Variants in RPS6KA2 observed in about 807,000 individuals in gnomAD.
The protein encoded by RPS6KA2 is ribosomal protein S6 kinase A2.
A neutral mutation model predicts 91.8 loss-of-function variants in RPS6KA2; 42 were observed. The observed-to-expected ratio is 0.46, with a 90% CI of 0.36 to 0.59. RPS6KA2 has a LOEUF of 0.59. RPS6KA2 is among the 20% of genes least tolerant of loss of function. RPS6KA2 has a pLI of 0.00. For synonymous variants in RPS6KA2, 414 were observed against 393.6 expected (o/e 1.05, Z -0.61); for missense variants, 798 against 978.5 (o/e 0.82, Z 2.46).
At chr6:166,440,323 CG>C (rs2128450337) in intron 14 of RPS6KA2, 1 of 152,258 alleles carries the variant, frequency 6.6e-6, no homozygotes, top group South Asian at 2.1e-4. Flanking sequence ...GACCGTCCTC[CG>C]CCGCATGCCT....
chr6:166,858,127 AT>A, intron 2 of RPS6KA2: 1 of 895,856 alleles, frequency 1.1e-6, no homozygotes, highest in Non-Finnish European at 1.9e-6. Context: ...TCAAACTTCC[AT>A]TTCCCCCTTC....
intron 2 of RPS6KA2, among the ~76,000 whole-genome samples, chr6:166,704,364 G>A (rs918778029): frequency 2.0e-5 from 3 of 152,218 alleles, no homozygotes; most frequent in African/African-American, 7.2e-5. Context: ...TACTGCTGAT[G>A]AAATGCAGCC....
intron 10 of RPS6KA2, among the ~76,000 whole-genome samples, chr6:166,486,348 C>G (rs928530650): frequency 2.6e-5 from 4 of 152,180 alleles, no homozygotes; most frequent in African/African-American, 9.6e-5. Flanking sequence ...CCTGATCAGG[C>G]GTCCTCCCCT....
intron 2 of RPS6KA2, among the ~76,000 whole-genome samples, chr6:166,534,313 G>A (rs1783411139): frequency 6.6e-6 from 1 of 152,008 alleles, no homozygotes; most frequent in African/African-American, 2.4e-5. Context: ...CCAGCTATCC[G>A]GGAGGCTGAG....
At position 166,412,582 on chromosome 6, in the gene RPS6KA2, G is replaced by A; in HGVS notation, c.*180C>T. ...GGGGAGGCTGGCGCAGTGAGGCTTG[G>A]AGAAGCCCCCAGGTCAGGACCCTCT... is the stretch of plus-strand genomic sequence containing the variant. On this transcript the variant is annotated 3_prime_UTR_variant, in exon 21 of 21. Transcript: ENST00000265678. The surrounding 1 kb of genome is among the most constrained non-coding windows in gnomAD (Gnocchi z 4.3). 1.7e-6 allele frequency: 1 copy of A among 580,146 alleles called. No homozygotes were observed. The highest frequency in any genetic ancestry group is 2.9e-6 in the Non-Finnish European group (1 of 346,876). 35.9% of individuals were successfully genotyped at this position (580,146 alleles called of 1,614,324 possible). A position where few individuals can be genotyped will look rare whatever the true frequency, so the allele number is the denominator to read the frequency against.
intron 1 of RPS6KA2, among the ~76,000 whole-genome samples, chr6:166,561,511 T>C (rs560477115): frequency 6.6e-6 from 1 of 152,084 alleles, no homozygotes; most frequent in South Asian, 2.1e-4. Flanking sequence ...TCCCCATTGC[T>C]GAGCCCACTC....
chr6:166,627,413 C>G (rs1786934497), upstream of RPS6KA2: 1 of 171,664 alleles, frequency 5.8e-6, no homozygotes, highest in Non-Finnish European at 1.2e-5. Flanking sequence ...CCACCCACCA[C>G]CAGCACTGCC....
chr6:166,681,031 C>A (rs574445168), intron 2 of RPS6KA2, among the ~76,000 whole-genome samples: 14 of 152,210 alleles, frequency 9.2e-5, no homozygotes, highest in Non-Finnish European at 1.9e-4. Context: ...TCTCCCATAT[C>A]TTCTCACCCC....
At chr6:166,753,235 C>T (rs548294865) in intron 2 of RPS6KA2, among the ~76,000 whole-genome samples, 9 of 152,286 alleles carry the variant, frequency 5.9e-5, no homozygotes, top group African/African-American at 1.9e-4. Flanking sequence ...GAAGAATCTA[C>T]GCAAGGGAAG....
At chr6:166,751,046 C>G (rs560956641) in intron 2 of RPS6KA2, among the ~76,000 whole-genome samples, 4 of 152,190 alleles carry the variant, frequency 2.6e-5, no homozygotes, top group African/African-American at 9.7e-5. Context: ...TCCCCTAACT[C>G]AGCACCTCAC....
intron 10 of RPS6KA2, among the ~76,000 whole-genome samples, chr6:166,480,493 A>ATATAT (rs1562523845): frequency 7.7e-6 from 1 of 129,720 alleles, no homozygotes; most frequent in African/African-American, 3.2e-5. Context: ...ATATATATAT[A>ATATAT]TATATATATA....
intron 2 of RPS6KA2, among the ~76,000 whole-genome samples, chr6:166,830,141 AG>A (rs1226858183): frequency 0.1 from 2,639 of 25,296 alleles, 85 homozygotes; most frequent in African/African-American, 0.28. Context: ...AAAAAAAAAA[AG>A]AAAGAAAGAA....
chr6:166,568,148 G>C (rs1583286942), intron 1 of RPS6KA2, among the ~76,000 whole-genome samples: 1 of 152,284 alleles, frequency 6.6e-6, no homozygotes, highest in African/African-American at 2.4e-5. Context: ...GGGGTGACAG[G>C]AATCTTTAAG....
intron 2 of RPS6KA2, among the ~76,000 whole-genome samples, chr6:166,717,582 C>T (rs1790047544): frequency 6.6e-6 from 1 of 152,124 alleles, no homozygotes; most frequent in Admixed American, 6.5e-5. Context: ...TGACAGATCC[C>T]GCGGGTGAAG....
intron 2 of RPS6KA2, among the ~76,000 whole-genome samples, chr6:166,702,996 A>C (rs1176748593): frequency 6.6e-6 from 1 of 152,216 alleles, no homozygotes; most frequent in Non-Finnish European, 1.5e-5. Context: ...AGGAGCAAAA[A>C]ATCAGATCCG....
chr6:166,487,213 T>C (rs1000539562), intron 10 of RPS6KA2, among the ~76,000 whole-genome samples: 4 of 152,156 alleles, frequency 2.6e-5, no homozygotes, highest in African/African-American at 9.7e-5. Flanking sequence ...TGCTGAAATG[T>C]TGCAGGGATT....
At chr6:166,795,370 C>G (rs1037560013) in intron 2 of RPS6KA2, among the ~76,000 whole-genome samples, 1 of 152,162 alleles carries the variant, frequency 6.6e-6, no homozygotes, top group Non-Finnish European at 1.5e-5. Context: ...AGAACACATA[C>G]AAACACAACT....
At chr6:166,693,977 C>T (rs1185045763) in intron 2 of RPS6KA2, among the ~76,000 whole-genome samples, 2 of 152,214 alleles carry the variant, frequency 1.3e-5, no homozygotes, top group African/African-American at 2.4e-5. Context: ...CGATAGTTCT[C>T]GCCATTCTGT....
Position 166,815,424 on chromosome 6 carries a change from T to A in RPS6KA2, c.123+42776A>T, listed in dbSNP as rs551289550. Among the ~76,000 whole-genome samples, 14 of 152,350 alleles carry A rather than the reference T, an allele frequency of 9.2e-5. No homozygotes were observed. In the East Asian group the frequency reaches 2.7e-3, roughly 29 times the overall value. On this transcript the variant is annotated intron_variant, in intron 2 of 21. Transcript: ENST00000503859. ...TTTTTTCATCAAACTGCTGAGCTTT[T>A]TAGCCCACTGTGATTTATAGTCACT...
Sources: gnomAD v4.1 joint callset for allele counts (sites outside exome capture counted in the v4.1 genomes callset) on GRCh38, gnomAD v4.1.1 for gene constraint, Gnocchi (gnomAD v3.1) non-coding constraint, MANE v1.5 for transcripts, NCBI Gene and HGNC (gene_info 2026-07-23, HGNC 2026-07-21) for gene names.